Variants in PCGF2 observed in about 807,000 individuals in gnomAD.
PCGF2 encodes polycomb group RING finger protein 2.
PCGF2 carries 8 observed loss-of-function variants against 36.1 expected under a neutral mutation model. That is an observed-to-expected ratio of 0.22 (90% CI 0.13 to 0.40). The LOEUF is 0.40. Among genes scored for constraint, PCGF2 ranks in the 10% least tolerant of loss-of-function variants. The pLI, the probability that PCGF2 is intolerant of heterozygous loss-of-function variation, is 1.00. For synonymous variants in PCGF2, 198 were observed against 191.2 expected, an observed-to-expected ratio of 1.04 and a Z score of -0.29; for missense variants, 436 against 475.9, an observed-to-expected ratio of 0.92 and a Z score of 0.78.
At chr17:38,736,781 CG>C in intron 9 of PCGF2, among the ~76,000 whole-genome samples, 1 of 151,908 alleles carries the variant, frequency 6.6e-6, no homozygotes, top group African/African-American at 2.4e-5. Flanking sequence ...TTGCAGTGAG[CG>C]GAGATAGTGC....
At position 38,739,618 on chromosome 17, in the gene PCGF2, C is replaced by T. The variant is rs1212276690; in HGVS notation, c.177G>A (p.Gln59=). 6.2e-7 allele frequency: 1 copy of T among 1,614,128 alleles called. No individual in the cohort carries two copies. The highest frequency in any genetic ancestry group is 2.2e-5 in the East Asian group (1 of 44,880). ...TNKYCPMCDV[Q]VHKTRPLLSI... ...TCAGCAGCGGCCGGGTTTTATGGAC[C>T]TGCACGTCACACATGGGGCAGTATT... The change falls in exon 4 of 11, where the codon CAG becomes CAA. Residue 59 remains glutamine (Q), a synonymous_variant. Transcript: ENST00000620225. This position sits in a 1 kb window ranked among gnomAD's most constrained non-coding sequence, Gnocchi z 4.0.
At chr17:38,749,074 G>T (rs974611853), upstream of PCGF2, among the ~76,000 whole-genome samples, 50 of 152,306 alleles carry the variant, frequency 3.3e-4, no homozygotes, top group African/African-American at 1.1e-3. This position sits in a 1 kb window ranked among gnomAD's most constrained non-coding sequence, Gnocchi z 6.5. Flanking sequence ...TGCGCCCCCG[G>T]CGTGCTCGGG....
intron 2 of PCGF2, among the ~76,000 whole-genome samples, chr17:38,742,587 G>A (rs780022714): frequency 6.6e-6 from 1 of 152,126 alleles, no homozygotes; most frequent in Non-Finnish European, 1.5e-5. Flanking sequence ...AGGGAGAGGG[G>A]TTCCCACCCC....
Position 38,736,132 on chromosome 17 carries a change from G to A in PCGF2, c.615C>T (p.Tyr205=). 1.3e-6 allele frequency: 2 copies of A among 1,588,248 alleles called. No individual in the cohort carries two copies. Among genetic ancestry groups the A allele is most frequent in the Non-Finnish European group, 1.7e-6 (2 of 1,166,976 alleles). Reference sequence around the variant, plus strand: ...TGTAGGCGATGTCCATGAGGGTGTAGTATTCCTTCAGTGGCTCGTCCTCGT... The same window carrying A: ...TGTAGGCGATGTCCATGAGGGTGTAATATTCCTTCAGTGGCTCGTCCTCGT... The part of the protein sequence containing the change: ...VLYEDEPLKE[Y]YTLMDIAYIY... The change falls in exon 10 of 11, where the codon TAC becomes TAT. Residue 205 remains tyrosine (Y), a synonymous_variant. Transcript: ENST00000620225.
chr17:38,743,094 CTTT>C (rs71138648), intron 2 of PCGF2, among the ~76,000 whole-genome samples: 1 of 138,746 alleles, frequency 7.2e-6, no homozygotes, highest in Non-Finnish European at 1.5e-5. Context: ...GACACTTGCT[CTTT>C]TTTTTTTTTT....
Position 38,748,308 on chromosome 17 carries a change from C to T in PCGF2, c.-246G>A, listed in dbSNP as rs1404704706. ...CGCCCGGGCGGCGGGAGGGGAGAAA[C>T]CTACGGTAAGAAAGGAGTTTGTGAA... On this transcript the variant is annotated 5_prime_UTR_variant, in exon 1 of 11. Transcript: ENST00000620225. 2 of 143,004 alleles carry T rather than the reference C, an allele frequency of 1.4e-5. No individual in the cohort carries two copies. The highest frequency in any genetic ancestry group is 3.4e-3 in the Middle Eastern group (1 of 298). 8.9% of individuals were successfully genotyped at this position (143,004 alleles called of 1,614,324 possible).
Position 38,739,093 on chromosome 17 carries a change from G to C in PCGF2, c.291C>G (p.Phe97Leu), listed in dbSNP as rs757705562. ...CCTCCGTCAGGGGGTACGCTGCATA[G>C]AAATCCCGCCGCCGTTTCATCTCAT... ...FKDEMKRRRD[F>L]YAAYPLTEVP... Residue 97 changes from phenylalanine to leucine, a missense_variant, in exon 6 of 11, where the codon TTC becomes TTG. Physicochemically the swap from Phe to Leu is conservative, Grantham distance 22. Around this residue, in one of 3 missense-constraint regions of PCGF2, gnomAD observed 189 missense variants for 219.3 expected, o/e 0.86. Transcript: ENST00000620225. The surrounding 1 kb of genome is among the most constrained non-coding windows in gnomAD (Gnocchi z 4.0). 10 of 1,613,554 alleles carry C rather than the reference G, an allele frequency of 6.2e-6. No homozygotes were observed. Among genetic ancestry groups the C allele is most frequent in the Non-Finnish European group, 8.5e-6 (10 of 1,180,034 alleles).
Position 38,740,369 on chromosome 17 carries a change from G to T in PCGF2, c.34C>A (p.Leu12Met). 1 of 1,565,842 alleles carries T rather than the reference G, an allele frequency of 6.4e-7. No individual in the cohort carries two copies. Among genetic ancestry groups the T allele is most frequent in the Non-Finnish European group, 8.7e-7 (1 of 1,150,790 alleles). ...HRTTRIKITELNPHLMCALCG... is the reference protein window; with the variant it reads ...HRTTRIKITEMNPHLMCALCG... Reference sequence around the variant, plus strand: ...AGGGCACACATGAGGTGGGGGTTCAGCTCTGTGATTTTGATCCGTGTAGTC... The same window carrying T: ...AGGGCACACATGAGGTGGGGGTTCATCTCTGTGATTTTGATCCGTGTAGTC... The change falls in exon 3 of 11, where the codon CTG becomes ATG. Residue 12 changes from leucine (L) to methionine (M), a missense_variant. Physicochemically the swap from Leu to Met is conservative, Grantham distance 15. Around this residue, in one of 3 missense-constraint regions of PCGF2, gnomAD observed 189 missense variants for 219.3 expected, o/e 0.86. Transcript: ENST00000620225.
intron 2 of PCGF2, among the ~76,000 whole-genome samples, chr17:38,740,806 C>T (rs901918269): frequency 3.9e-5 from 6 of 152,082 alleles, no homozygotes; most frequent in South Asian, 2.1e-4. Flanking sequence ...GCCCCTCTTA[C>T]GCTTCACTCC....
intron 2 of PCGF2, 39 bp from the exon 3 acceptor site, chr17:38,740,481 CG>C (rs1052251690): frequency 1.5e-5 from 23 of 1,493,042 alleles, no homozygotes; most frequent in Admixed American, 5.8e-5. Context: ...CAGAGTTGGC[CG>C]GGCGCGGTGG....
chr17:38,741,061 G>C (rs1180439773), intron 2 of PCGF2, among the ~76,000 whole-genome samples: 5 of 152,152 alleles, frequency 3.3e-5, no homozygotes, highest in Non-Finnish European at 7.3e-5. Flanking sequence ...TGAGGAGGCA[G>C]GAAAATGGAA....
Position 38,740,348 on chromosome 17 carries a change from CACACATGAGGT to C in PCGF2, c.44_54del (p.His15ArgfsTer39). On this transcript the variant is annotated frameshift_variant, in exon 3 of 11. Coordinates refer to ENST00000620225, the MANE Select transcript of PCGF2 (RefSeq NM_007144.3). LOFTEE classifies it high-confidence loss of function. Reference sequence around the variant, plus strand: ...TCGATGAAGTACCCCCCGCAGAGGGCACACATGAGGTGGGGGTTCAGCTCTGTGATTTTGAT... The same window carrying C: ...TCGATGAAGTACCCCCCGCAGAGGGCGGGGGTTCAGCTCTGTGATTTTGAT... 6.2e-7 allele frequency: 1 copy of C among 1,610,554 alleles called. No homozygotes were observed.
intron 2 of PCGF2, among the ~76,000 whole-genome samples, chr17:38,743,533 A>T (rs1430400935): frequency 1.3e-5 from 2 of 152,124 alleles, no homozygotes; most frequent in East Asian, 3.9e-4. Flanking sequence ...ACGAGGCCCA[A>T]GGTGGTGCTG....
intron 10 of PCGF2, 42 bp downstream of exon 10, chr17:38,736,048 C>G: frequency 7.4e-7 from 1 of 1,343,382 alleles, no homozygotes; most frequent in Non-Finnish European, 1.0e-6. Context: ...ATGCCAGACC[C>G]TGTGGGAGTC....
At position 38,735,112 on chromosome 17, in the gene PCGF2, C is replaced by G; in HGVS notation, c.*111G>C. 1 of 813,690 alleles carries G rather than the reference C, an allele frequency of 1.2e-6. No individual in the cohort carries two copies. The highest frequency in any genetic ancestry group is 1.8e-5 in the African/African-American group (1 of 56,452). 50.4% of individuals were successfully genotyped at this position (813,690 alleles called of 1,614,324 possible). ...ATATTTATTTATAAAACCCGCCCCC[C>G]ACCCCCAAGGTGGGAAGAGCTGGGG... On this transcript the variant is annotated 3_prime_UTR_variant, in exon 11 of 11. Transcript: ENST00000620225.
rs1907111103 is a variant in PCGF2, at chr17:38,740,416, G to A, written c.-14C>T. 4 of 1,050,482 alleles carry A rather than the reference G, an allele frequency of 3.8e-6. No individual in the cohort carries two copies. The highest frequency in any genetic ancestry group is 2.9e-6 in the Non-Finnish European group (2 of 699,616). 65.1% of individuals were successfully genotyped at this position (1,050,482 alleles called of 1,614,324 possible). ...AGTCCGATGCATGATTCCGGGGTCG[G>A]GGGTGGGGGGACTGGGGAGCGTTGC... is the stretch of plus-strand genomic sequence containing the variant. On this transcript the variant is annotated 5_prime_UTR_variant, in exon 3 of 11. Transcript: ENST00000620225.
At chr17:38,737,190 C>T (rs535728165) in intron 9 of PCGF2, among the ~76,000 whole-genome samples, 2 of 152,252 alleles carry the variant, frequency 1.3e-5, no homozygotes, top group South Asian at 2.1e-4. Flanking sequence ...TGGCTAGGTG[C>T]GGTGGCTCAC....
intron 6 of PCGF2, 75 bp from the exon 7 acceptor site, chr17:38,738,936 C>G: frequency 6.5e-7 from 1 of 1,542,792 alleles, no homozygotes; most frequent in South Asian, 1.1e-5. Flanking sequence ...AGATCATGAA[C>G]TCAGCCAGGT....
rs778666838 is a variant in PCGF2 at position 38,735,266 on chromosome 17, C to T, written c.992G>A (p.Arg331His). The T allele has an allele frequency of 1.4e-5, 20 of 1,465,990 alleles. No homozygotes were observed. The African/African-American group carries it at 2.1e-4, about 15-fold the overall frequency. The allele number at this position is 1,465,990 out of a possible 1,614,324, so 90.8% of individuals were successfully genotyped here. Reference sequence around the variant, plus strand: ...GGGAGCGCCGTTGACAGTCATCTTGCGCCCCCTGCTGGTGGAGGATGGTGT... The same window carrying T: ...GGGAGCGCCGTTGACAGTCATCTTGTGCCCCCTGCTGGTGGAGGATGGTGT... ...LQTPSSTSRG[R>H]KMTVNGAPVP... Residue 331 changes from arginine (R) to histidine (H), a missense_variant, in exon 11 of 11, where the codon CGC (arginine) becomes CAC (histidine). Arg to His is a conservative substitution (Grantham distance 29, BLOSUM62 0). This residue lies in a region of PCGF2 where 227 missense variants were observed against 212.9 expected (regional missense o/e 1.07). Coordinates refer to ENST00000620225, the MANE Select transcript of PCGF2 (RefSeq NM_007144.3).
Sources: gnomAD v4.1 joint callset for allele counts (sites outside exome capture counted in the v4.1 genomes callset) on GRCh38, gnomAD v4.1.1 for gene constraint, gnomAD v4.1.1 regional missense constraint, Gnocchi (gnomAD v3.1) non-coding constraint, MANE v1.5 for transcripts, NCBI Gene and HGNC (gene_info 2026-07-23, HGNC 2026-07-21) for gene names.